The following ZMAT4 variants were observed in gnomAD, a reference collection of about 807,000 sequenced individuals.
ZMAT4 encodes zinc finger matrin-type 4, also known as zinc finger matrin-type protein 4.
A neutral mutation model predicts 28.7 loss-of-function variants in ZMAT4; 17 were observed. The ratio of observed to expected loss-of-function variants is 0.59; its 90% CI spans 0.41 to 0.89. The LOEUF (loss-of-function observed/expected upper bound fraction) is 0.89, where lower values mean the gene tolerates loss of function less well. Ranked by LOEUF, ZMAT4 falls within the 40% of genes least tolerant of loss-of-function variation. ZMAT4 has a pLI of 0.00. For synonymous variants in ZMAT4, 117 were observed against 109.2 expected, an observed-to-expected ratio of 1.07 and a Z score of -0.44; for missense variants, 240 against 283.8, an observed-to-expected ratio of 0.85 and a Z score of 1.11.
intron 3 of ZMAT4, among the ~76,000 whole-genome samples, chr8:40,757,169 G>T (rs749181206): frequency 3.9e-5 from 6 of 152,178 alleles, no homozygotes; most frequent in Non-Finnish European, 8.8e-5. Context: ...AAGCAGGAAG[G>T]CAGAGTCTTA....
At chr8:40,681,540 A>C (rs1199129111) in intron 4 of ZMAT4, among the ~76,000 whole-genome samples, 1 of 152,206 alleles carries the variant, frequency 6.6e-6, no homozygotes, top group Non-Finnish European at 1.5e-5. Flanking sequence ...GTCACCACAC[A>C]GTCCAGCCTC....
At chr8:40,772,005 A>G (rs1376371795) in intron 2 of ZMAT4, among the ~76,000 whole-genome samples, 1 of 152,232 alleles carries the variant, frequency 6.6e-6, no homozygotes, top group Non-Finnish European at 1.5e-5. Context: ...AAATGTATAT[A>G]TTACAGAGTT....
At chr8:40,745,923 T>A (rs1359320490) in intron 3 of ZMAT4, among the ~76,000 whole-genome samples, 1 of 152,158 alleles carries the variant, frequency 6.6e-6, no homozygotes, top group Non-Finnish European at 1.5e-5. Context: ...TAGAACTAAT[T>A]TGTTAGTACT....
intron 5 of ZMAT4, among the ~76,000 whole-genome samples, chr8:40,599,440 C>T (rs1456296004): frequency 1.3e-5 from 2 of 152,102 alleles, no homozygotes; most frequent in African/African-American, 2.4e-5. Flanking sequence ...TTTTTCCATA[C>T]TGACTTCCAG....
intron 4 of ZMAT4, among the ~76,000 whole-genome samples, chr8:40,683,487 T>A (rs1042369443): frequency 5.3e-5 from 8 of 152,238 alleles, no homozygotes; most frequent in African/African-American, 1.9e-4. Flanking sequence ...GAAAGCCTCA[T>A]AACATCTGTT....
At chr8:40,718,489 AG>A (rs1810947158) in intron 3 of ZMAT4, among the ~76,000 whole-genome samples, 1 of 145,290 alleles carries the variant, frequency 6.9e-6, no homozygotes, top group Non-Finnish European at 1.5e-5. Flanking sequence ...CAAATGATTT[AG>A]GAAACTGCAA....
chr8:40,742,341 G>C (rs1288703338), intron 3 of ZMAT4, among the ~76,000 whole-genome samples: 2 of 150,462 alleles, frequency 1.3e-5, no homozygotes, highest in Non-Finnish European at 3.0e-5. Context: ...TAGTTTCTAT[G>C]TGTGGTTTAT....
chr8:40,589,764 T>TTTCTTTCTTTCTTTC lies in ZMAT4; in HGVS notation c.578-8504_578-8503insGAAAGAAAGAAAGAA, dbSNP rs1804806174. Among the ~76,000 whole-genome samples the TTTCTTTCTTTCTTTC allele has an allele frequency of 1.1e-4, 15 of 136,058 alleles. No individual in the cohort carries two copies. In the South Asian group the frequency reaches 3.6e-3, roughly 32 times the overall value. The allele number at this position is 136,058 out of a possible 152,430, so 89.3% of individuals were successfully genotyped here. On this transcript the variant is annotated intron_variant, in intron 5 of 6. Transcript: ENST00000297737. ...TCTTTCTTTCTTTCTTTCTTTCTTTTTCTTTCTTTCTTTCCTTTCTTTCTT... is the reference window on the plus strand; with the variant it reads ...TCTTTCTTTCTTTCTTTCTTTCTTTTTTCTTTCTTTCTTTCTCTTTCTTTCTTTCCTTTCTTTCTT...
chr8:40,661,400 G>A (rs753508403), intron 5 of ZMAT4, among the ~76,000 whole-genome samples: 14 of 152,096 alleles, frequency 9.2e-5, no homozygotes, highest in East Asian at 1.9e-4. Context: ...ATGCCCAGCC[G>A]GTGTTTATTA....
intron 5 of ZMAT4, among the ~76,000 whole-genome samples, chr8:40,623,705 T>A (rs1022909859): frequency 6.6e-6 from 1 of 152,104 alleles, no homozygotes; most frequent in African/African-American, 2.4e-5. Flanking sequence ...TGGAAATCTG[T>A]CACACAGGGC....
rs1814623421 is a variant in ZMAT4 at position 40,796,895 on chromosome 8, C to T, written c.102+28680G>A. On this transcript the variant is annotated intron_variant, in intron 2 of 6. Transcript: ENST00000297737. ...CGGAGATCTCATCTCCTTCCCAGGGCAGGATCCATGCAGCACAAGGCCTTC... is the reference window on the plus strand; with the variant it reads ...CGGAGATCTCATCTCCTTCCCAGGGTAGGATCCATGCAGCACAAGGCCTTC... 3.3e-5 allele frequency among the ~76,000 whole-genome samples: 5 copies of T among 152,294 alleles called. 1 individual carries two copies. The South Asian group carries it at 1.0e-3, about 32-fold the overall frequency.
chr8:40,722,320 G>A (rs1811136859), intron 3 of ZMAT4, among the ~76,000 whole-genome samples: 1 of 152,218 alleles, frequency 6.6e-6, no homozygotes, highest in South Asian at 2.1e-4. Context: ...ACTGAGGGTG[G>A]AGGTTTCCTA....
intron 5 of ZMAT4, among the ~76,000 whole-genome samples, chr8:40,625,842 G>T (rs1036998985): frequency 2.0e-4 from 2 of 10,160 alleles, no homozygotes; most frequent in Non-Finnish European, 0.019. Context: ...TGGGCGCGGT[G>T]GAATCATGCC....
At chr8:40,807,574 A>G (rs1815139550) in intron 2 of ZMAT4, among the ~76,000 whole-genome samples, 2 of 152,170 alleles carry the variant, frequency 1.3e-5, no homozygotes, top group South Asian at 4.1e-4. Flanking sequence ...ATGGCTCTTT[A>G]TTTTTATGAA....
intron 1 of ZMAT4, among the ~76,000 whole-genome samples, chr8:40,865,827 T>TC (rs112935111): frequency 2.8e-4 from 42 of 152,174 alleles, no homozygotes; most frequent in African/African-American, 9.4e-4. Flanking sequence ...CATTCTTTCT[T>TC]CCCCCCGCCA....
At chr8:40,625,682 C>A (rs1806348711) in intron 5 of ZMAT4, among the ~76,000 whole-genome samples, 1 of 152,134 alleles carries the variant, frequency 6.6e-6, no homozygotes, top group South Asian at 2.1e-4. Context: ...AGATCACTGA[C>A]TCTGAGAAAG....
intron 5 of ZMAT4, among the ~76,000 whole-genome samples, chr8:40,658,394 C>T (rs547861843): frequency 7.9e-5 from 12 of 151,916 alleles, no homozygotes; most frequent in Non-Finnish European, 1.3e-4. Context: ...TTTTGAAAGC[C>T]GGCAGCAAAC....
At chr8:40,686,469 GA>G (rs1019356935) in intron 4 of ZMAT4, among the ~76,000 whole-genome samples, 1 of 151,334 alleles carries the variant, frequency 6.6e-6, no homozygotes, top group Admixed American at 6.6e-5. Flanking sequence ...CTGTCTCAAC[GA>G]AAAAAAATTG....
At chr8:40,550,524 T>C (rs1236604901) in intron 6 of ZMAT4, among the ~76,000 whole-genome samples, 3 of 152,194 alleles carry the variant, frequency 2.0e-5, no homozygotes, top group Non-Finnish European at 4.4e-5. Flanking sequence ...AATCTCACCT[T>C]GAATTGTAAT....
Sources: gnomAD v4.1 joint callset for allele counts (sites outside exome capture counted in the v4.1 genomes callset) on GRCh38, gnomAD v4.1.1 for gene constraint, MANE v1.5 for transcripts, NCBI Gene and HGNC (gene_info 2026-07-23, HGNC 2026-07-21) for gene names.